HSH2D: variants seen among roughly 807,000 people sequenced by gnomAD.
HSH2D encodes the protein hematopoietic SH2 domain containing.
In HSH2D, 16 loss-of-function variants were observed where a neutral mutation model predicts 21.5. The ratio of observed to expected loss-of-function variants is 0.74; its 90% confidence interval spans 0.50 to 1.13. HSH2D has a LOEUF of 1.13. HSH2D is among the 50% of genes most tolerant of loss of function. The pLI is 0.00. For missense variants in HSH2D, 418 were observed against 441.4 expected (o/e 0.95, Z 0.47); for synonymous variants, 172 against 184.7 (o/e 0.93, Z 0.56).
rs532314928 is a variant in HSH2D, at chr19:16,146,463, C to T, written c.-27-2261C>T. On this transcript the variant is annotated intron_variant, in intron 1 of 5. Transcript: ENST00000613986. ...GGCTGAGGTGTTAGGATTGCTTGAGCCCAGGAGTTCAAAGCCAGACTGGAC... is the reference window on the plus strand; with the variant it reads ...GGCTGAGGTGTTAGGATTGCTTGAGTCCAGGAGTTCAAAGCCAGACTGGAC... Among the ~76,000 whole-genome samples the T allele has an allele frequency of 2.9e-4, 44 of 152,174 alleles. 1 individual carries two copies. The South Asian group carries it at 8.5e-3, about 29-fold the overall frequency.
At chr19:16,139,975 A>G (rs1307798169), upstream of HSH2D, 1 of 151,978 alleles carries the variant, frequency 6.6e-6, no homozygotes, top group Non-Finnish European at 1.5e-5. Flanking sequence ...TTTGTGGGAG[A>G]CCACATCACC....
chr19:16,157,249 A>G lies in HSH2D; in HGVS notation c.514A>G (p.Arg172Gly). The change falls in exon 6 of 6, where the codon AGG becomes GGG. Residue 172 changes from arginine to glycine, a missense_variant. Coordinates refer to ENST00000613986, the MANE Select transcript of HSH2D (RefSeq NM_001382417.1). The surrounding 1 kb of genome is among the most constrained non-coding windows in gnomAD (Gnocchi z 4.4). ...AGTCCTGTGTCACCAATCAAAGGAA[A>G]GGAAGCCGTCAGCAGAGATGAACAG... ...KPVLCHQSKE[R>G]KPSAEMNRIT... is the part of the protein sequence containing the mutation. 6.3e-7 allele frequency: 1 copy of G among 1,576,038 alleles called. No homozygotes were observed. Among genetic ancestry groups the G allele is most frequent in the Non-Finnish European group, 8.6e-7 (1 of 1,164,038 alleles).
upstream of HSH2D, among the ~76,000 whole-genome samples, chr19:16,141,677 A>G (rs142486008): frequency 2.1e-3 from 322 of 152,266 alleles, 3 homozygotes; most frequent in African/African-American, 7.3e-3. Context: ...TAATCCCAGC[A>G]CTTTGGGAGG....
intron 4 of HSH2D, 107 bp from the exon 5 acceptor site, chr19:16,154,292 T>A (rs1208430766): frequency 1.5e-6 from 1 of 677,408 alleles, no homozygotes; most frequent in East Asian, 2.9e-5. Flanking sequence ...GCCTAGGTAC[T>A]AAGAAACTGC....
At chr19:16,153,438 A>G (rs2091192033) in intron 4 of HSH2D, among the ~76,000 whole-genome samples, 3 of 152,112 alleles carry the variant, frequency 2.0e-5, no homozygotes, top group African/African-American at 7.2e-5. Flanking sequence ...CTGATTTTTT[A>G]TAAGGGTTCA....
At chr19:16,151,400 G>T (rs147451675) in intron 2 of HSH2D, 250 of 349,640 alleles carry the variant, frequency 7.2e-4, no homozygotes, top group Admixed American at 2.5e-3. Context: ...GCACTTACCA[G>T]GTAGCAGCTG....
chr19:16,152,768 C>T lies in HSH2D; in HGVS notation c.215+127C>T, dbSNP rs192906130. The T allele has an allele frequency of 2.5e-4, 205 of 809,298 alleles. No homozygotes were observed. In the African/African-American group the frequency reaches 3.1e-3, roughly 12 times the overall value. 50.1% of individuals were successfully genotyped at this position (809,298 alleles called of 1,614,324 possible). Reference sequence around the variant, plus strand: ...GTAACTGAGGCTGTGGATCTGAGAACGGGAGCTGCTAGCCAAGCAATGAGT... The same window carrying T: ...GTAACTGAGGCTGTGGATCTGAGAATGGGAGCTGCTAGCCAAGCAATGAGT... On this transcript the variant is annotated intron_variant, in intron 3 of 5. Coordinates refer to ENST00000613986, the MANE Select transcript of HSH2D (RefSeq NM_001382417.1).
Position 16,152,611 on chromosome 19 carries a change from A to T in HSH2D, c.185A>T (p.His62Leu). Reference protein sequence around the residue: ...PLGSFLIRVSHSHVGYTLSYK... With the variant: ...PLGSFLIRVSLSHVGYTLSYK... ...GGATCCTTTCTCATCAGGGTCAGTCACAGCCATGTGGGCTACACACTCTCC... is the reference window on the plus strand; with the variant it reads ...GGATCCTTTCTCATCAGGGTCAGTCTCAGCCATGTGGGCTACACACTCTCC... The change falls in exon 3 of 6, where the codon CAC becomes CTC. Residue 62 changes from histidine (H) to leucine (L), a missense_variant. Transcript: ENST00000613986. The T allele has an allele frequency of 2.6e-6, 4 of 1,520,268 alleles. No homozygotes were observed. Among genetic ancestry groups the T allele is most frequent in the Non-Finnish European group, 3.5e-6 (4 of 1,136,946 alleles). The allele number at this position is 1,520,268 out of a possible 1,614,324, so 94.2% of individuals were successfully genotyped here.
chr19:16,136,076 C>G (rs1278122768), intron 1 of HSH2D, among the ~76,000 whole-genome samples: 1 of 152,152 alleles, frequency 6.6e-6, no homozygotes, highest in Non-Finnish European at 1.5e-5. Context: ...CCCACCTGAC[C>G]ATGCTAGAGG....
At chr19:16,147,747 G>A (rs573505503) in intron 1 of HSH2D, among the ~76,000 whole-genome samples, 78 of 151,852 alleles carry the variant, frequency 5.1e-4, no homozygotes, top group African/African-American at 1.8e-3. Flanking sequence ...CTGGGGTCAA[G>A]TGATTCTCGT....
At position 16,157,853 on chromosome 19, in the gene HSH2D, C is replaced by T. The variant is rs7250494; in HGVS notation, c.*59C>T. 0.065 allele frequency: 81,550 copies of T among 1,248,190 alleles called. 3,215 individuals carry two copies. The highest frequency in any genetic ancestry group is 0.11 in the African/African-American group (7,495 of 66,196). 77.3% of individuals were successfully genotyped at this position (1,248,190 alleles called of 1,614,324 possible). A position where few individuals can be genotyped will look rare whatever the true frequency, so the allele number is the denominator to read the frequency against. ...CCAGGGGCTGCCACACTCCTGAATG[C>T]CTTAACATTTCTTCCATGGCCCCAC... On this transcript the variant is annotated 3_prime_UTR_variant, in exon 6 of 6. Coordinates refer to ENST00000613986, the MANE Select transcript of HSH2D (RefSeq NM_001382417.1). This position sits in a 1 kb window ranked among gnomAD's most constrained non-coding sequence, Gnocchi z 4.4.
intron 3 of HSH2D, 90 bp downstream of exon 3, chr19:16,152,731 C>A: frequency 1.1e-6 from 1 of 940,258 alleles, no homozygotes; most frequent in South Asian, 1.4e-5. Flanking sequence ...CATAGCTTCT[C>A]AGAAAGCAGC....
chr19:16,135,571 TCACTC>T (rs1458719957), intron 1 of HSH2D, among the ~76,000 whole-genome samples: 7 of 152,128 alleles, frequency 4.6e-5, no homozygotes, highest in Non-Finnish European at 1.0e-4. Context: ...CCTTCCTGGC[TCACTC>T]CACTCCAATC....
chr19:16,153,027 C>G lies in HSH2D; in HGVS notation c.216-16C>G. On this transcript the variant is annotated splice_polypyrimidine_tract_variant and intron_variant, in intron 3 of 5. Coordinates refer to ENST00000613986, the MANE Select transcript of HSH2D (RefSeq NM_001382417.1). ...AGGGGGAGTAGGATGTCCCAGCCCC[C>G]GCAGTGTCTCCGCAGAGCCCAAAGC... 1 of 1,605,230 alleles carries G rather than the reference C, an allele frequency of 6.2e-7. No individual in the cohort carries two copies. Among genetic ancestry groups the G allele is most frequent in the African/African-American group, 1.3e-5 (1 of 74,884 alleles).
At chr19:16,141,287 G>A (rs183022636), upstream of HSH2D, among the ~76,000 whole-genome samples, 5 of 152,344 alleles carry the variant, frequency 3.3e-5, no homozygotes, top group Non-Finnish European at 7.3e-5. Flanking sequence ...GGAGGAGCAG[G>A]GGGGTGAGAG....
At chr19:16,150,400 G>A (rs1174468029) in intron 2 of HSH2D, among the ~76,000 whole-genome samples, 14 of 152,170 alleles carry the variant, frequency 9.2e-5, no homozygotes, top group Non-Finnish European at 1.9e-4. Flanking sequence ...TTAGCCAGGC[G>A]TGGTGGCGCA....
At chr19:16,144,691 T>TTTTTTTTTG (rs2091040879) in intron 1 of HSH2D, among the ~76,000 whole-genome samples, 1 of 108,930 alleles carries the variant, frequency 9.2e-6, no homozygotes, top group Non-Finnish European at 2.3e-5. Context: ...AGGCTCTTTT[T>TTTTTTTTTG]TTTTTTTTTT....
At chr19:16,155,968 T>C (rs1291017616) in intron 5 of HSH2D, among the ~76,000 whole-genome samples, 1 of 151,680 alleles carries the variant, frequency 6.6e-6, no homozygotes, top group Non-Finnish European at 1.5e-5. Context: ...TCCTGGGCAC[T>C]GGTGGAGATG....
intron 2 of HSH2D, among the ~76,000 whole-genome samples, chr19:16,151,765 GAAAAAAAAAA>G (rs746775825): frequency 0.03 from 1,869 of 61,340 alleles, 40 homozygotes; most frequent in Middle Eastern, 0.15. Flanking sequence ...TGCCACAGCT[GAAAAAAAAAA>G]AAAAAAAAAA....
Sources: gnomAD v4.1 joint callset for allele counts (sites outside exome capture counted in the v4.1 genomes callset) on GRCh38, gnomAD v4.1.1 for gene constraint, Gnocchi (gnomAD v3.1) non-coding constraint, MANE v1.5 for transcripts, NCBI Gene and HGNC (gene_info 2026-07-23, HGNC 2026-07-21) for gene names.